Variants in MEGF9 observed in about 807,000 individuals in gnomAD.
MEGF9 encodes the protein multiple epidermal growth factor-like domains protein 9.
A neutral mutation model predicts 46.8 loss-of-function variants in MEGF9; 6 were observed. The observed-to-expected ratio is 0.13, with a 90% CI of 0.07 to 0.25. MEGF9 has a LOEUF of 0.25. Among genes scored for constraint, MEGF9 ranks in the 10% least tolerant of loss-of-function variants. MEGF9 has a pLI of 1.00. For missense variants in MEGF9, 683 were observed against 792.4 expected (o/e 0.86, Z 1.66); for synonymous variants, 302 against 330.7 (o/e 0.91, Z 0.94).
At chr9:120,624,709 A>G (rs1318225796) in intron 2 of MEGF9, among the ~76,000 whole-genome samples, 1 of 152,030 alleles carries the variant, frequency 6.6e-6, no homozygotes, top group Non-Finnish European at 1.5e-5. Context: ...CCCCGTCTCT[A>G]CCAAAAATAC....
At chr9:120,616,239 A>C (rs1013079508) in intron 3 of MEGF9, among the ~76,000 whole-genome samples, 2 of 151,880 alleles carry the variant, frequency 1.3e-5, no homozygotes, top group Non-Finnish European at 2.9e-5. Flanking sequence ...AATTTGAAAC[A>C]CTTCATATAT....
At chr9:120,620,344 G>C (rs1387530552) in intron 3 of MEGF9, among the ~76,000 whole-genome samples, 1 of 151,922 alleles carries the variant, frequency 6.6e-6, no homozygotes, top group Non-Finnish European at 1.5e-5. Flanking sequence ...TCCTCTGTAC[G>C]CCTTTCCATT....
intron 1 of MEGF9, among the ~76,000 whole-genome samples, chr9:120,712,825 A>G (rs1178813844): frequency 6.6e-6 from 1 of 152,240 alleles, no homozygotes; most frequent in Non-Finnish European, 1.5e-5. Context: ...AAACGTTCTG[A>G]CAAAGTAGGC....
At chr9:120,682,029 ACAACAACAACAAG>A (rs1333625529) in intron 1 of MEGF9, among the ~76,000 whole-genome samples, 1 of 152,206 alleles carries the variant, frequency 6.6e-6, no homozygotes, top group East Asian at 1.9e-4. Flanking sequence ...ACAAGGCAAA[ACAACAACAACAAG>A]CAACAACAAC....
intron 1 of MEGF9, among the ~76,000 whole-genome samples, 172 bp from the exon 2 acceptor site, chr9:120,659,747 G>A (rs1474207786): frequency 2.6e-5 from 4 of 151,054 alleles, no homozygotes; most frequent in Admixed American, 2.0e-4. Context: ...CTTAAATCAG[G>A]AAACATATAG....
intron 1 of MEGF9, among the ~76,000 whole-genome samples, chr9:120,679,188 G>A (rs954255745): frequency 5.9e-5 from 9 of 152,034 alleles, no homozygotes; most frequent in African/African-American, 2.2e-4. Flanking sequence ...TTATTTTTGC[G>A]GCACTATTCA....
chr9:120,658,639 C>T (rs974584621), intron 2 of MEGF9, among the ~76,000 whole-genome samples: 1 of 152,124 alleles, frequency 6.6e-6, no homozygotes, highest in African/African-American at 2.4e-5. Context: ...CTGAGTATAA[C>T]CTGTCATTAT....
intron 1 of MEGF9, among the ~76,000 whole-genome samples, chr9:120,670,992 T>C (rs913697052): frequency 1.3e-5 from 2 of 152,214 alleles, no homozygotes; most frequent in African/African-American, 4.8e-5. Context: ...GTTTTCTTCT[T>C]AATGCTCTGC....
rs142490454 is a variant in MEGF9 at position 120,703,077 on chromosome 9, C to T, written c.601+10681G>A. Among the ~76,000 whole-genome samples, 418 of 152,228 alleles carry T rather than the reference C, an allele frequency of 2.7e-3. 2 individuals are homozygous for T. Among genetic ancestry groups the T allele is most frequent in the Middle Eastern group, 0.01 (3 of 294 alleles). ...AAGAAAAATACAAGGGAAAATGTTA[C>T]AAACAAAAAATGAATCATTAATATA... On this transcript the variant is annotated intron_variant, in intron 1 of 5. Coordinates refer to ENST00000373930, the MANE Select transcript of MEGF9 (RefSeq NM_001080497.3).
At chr9:120,607,653 T>G in intron 5 of MEGF9, 88 bp downstream of exon 5, 1 of 1,385,760 alleles carries the variant, frequency 7.2e-7, no homozygotes, top group Non-Finnish European at 1.0e-6. Flanking sequence ...GAAACTCCTC[T>G]GGTAGGGTTA....
intron 4 of MEGF9, among the ~76,000 whole-genome samples, chr9:120,611,858 AGGAAGAAAG>A (rs2043447577): frequency 1.4e-5 from 2 of 141,194 alleles, no homozygotes; most frequent in African/African-American, 5.6e-5. Context: ...GAAGGAAGGA[AGGAAGAAAG>A]AGAGAGAGAG....
At chr9:120,625,529 G>C (rs1322901395) in intron 2 of MEGF9, among the ~76,000 whole-genome samples, 1 of 148,736 alleles carries the variant, frequency 6.7e-6, no homozygotes, top group Non-Finnish European at 1.5e-5. Flanking sequence ...GGGAGACTCT[G>C]TCTCTTAAAA....
At chr9:120,698,492 C>T (rs976513078) in intron 1 of MEGF9, among the ~76,000 whole-genome samples, 1 of 152,160 alleles carries the variant, frequency 6.6e-6, no homozygotes, top group African/African-American at 2.4e-5. Flanking sequence ...TTGTTACTAA[C>T]CTGCACCTTA....
chr9:120,656,958 C>CA (rs1326940100), intron 2 of MEGF9, among the ~76,000 whole-genome samples: 2 of 152,142 alleles, frequency 1.3e-5, no homozygotes, highest in African/African-American at 4.8e-5. Flanking sequence ...TTAAAGTGAA[C>CA]TGCCTAAAGT....
At position 120,637,396 on chromosome 9, in the gene MEGF9, G is replaced by A. The variant is rs538280694; in HGVS notation, c.804-14641C>T. Among the ~76,000 whole-genome samples, 351 of 149,836 alleles carry A rather than the reference G, an allele frequency of 2.3e-3. 2 individuals carry two copies. The highest frequency in any genetic ancestry group is 8.3e-3 in the African/African-American group (338 of 40,578). ...ATGACCCTGCCAAATTCCCCCTCTC[G>A]AGAAACACCCAAGAATGATCAATAA... is the stretch of plus-strand genomic sequence containing the variant. On this transcript the variant is annotated intron_variant, in intron 2 of 5. Coordinates refer to ENST00000373930, the MANE Select transcript of MEGF9 (RefSeq NM_001080497.3).
At chr9:120,665,487 G>A (rs1353990100) in intron 1 of MEGF9, among the ~76,000 whole-genome samples, 2 of 152,156 alleles carry the variant, frequency 1.3e-5, no homozygotes, top group Admixed American at 1.3e-4. Flanking sequence ...ACAGGGGTGA[G>A]CCACCACGCC....
intron 1 of MEGF9, among the ~76,000 whole-genome samples, chr9:120,692,221 T>C (rs767711295): frequency 6.6e-6 from 1 of 152,204 alleles, no homozygotes; most frequent in Non-Finnish European, 1.5e-5. Flanking sequence ...CACTTGTGTT[T>C]GTTTAACCTA....
At chr9:120,619,612 T>C (rs2043489384) in intron 3 of MEGF9, among the ~76,000 whole-genome samples, 1 of 152,232 alleles carries the variant, frequency 6.6e-6, no homozygotes, top group African/African-American at 2.4e-5. Context: ...ATTTACTTAA[T>C]ACCCTATTGT....
At position 120,612,523 on chromosome 9, in the gene MEGF9, G is replaced by A; in HGVS notation, c.960C>T (p.Cys320=). The change falls in exon 4 of 6, where the codon TGC becomes TGT. Residue 320 remains cysteine, a synonymous_variant. Transcript: ENST00000373930. The part of the protein sequence containing the change: ...CDALTGACLN[C]QENSKGNHCE... ...AGTGATTTCCTTTGCTATTTTCCTG[G>A]CAGTTTAAACAAGCACCTAAAAGAA... 1.9e-6 allele frequency: 3 copies of A among 1,610,168 alleles called. No homozygotes were observed. Among genetic ancestry groups the A allele is most frequent in the Non-Finnish European group, 2.5e-6 (3 of 1,177,966 alleles).
Sources: gnomAD v4.1 joint callset for allele counts (sites outside exome capture counted in the v4.1 genomes callset) on GRCh38, gnomAD v4.1.1 for gene constraint, MANE v1.5 for transcripts, NCBI Gene and HGNC (gene_info 2026-07-23, HGNC 2026-07-21) for gene names.